ADGRB3: variants seen among roughly 807,000 people sequenced by gnomAD.
ADGRB3 encodes adhesion G protein-coupled receptor B3.
In ADGRB3, 37 loss-of-function variants were observed where a neutral mutation model predicts 193.4. The ratio of observed to expected loss-of-function variants is 0.19; its 90% confidence interval spans 0.15 to 0.25. The LOEUF (loss-of-function observed/expected upper bound fraction) is 0.25. ADGRB3 is among the 10% of genes least tolerant of loss of function. ADGRB3 has a pLI of 1.00. For synonymous variants in ADGRB3, 690 were observed against 644.2 expected, an observed-to-expected ratio of 1.07 and a Z score of -1.08; for missense variants, 1,637 against 1,852.9, an observed-to-expected ratio of 0.88 and a Z score of 2.14.
In ADGRB3 at chr6:69,093,845, G is replaced by GT. The variant is rs377758271; in HGVS notation, c.2480+17808dup. On this transcript the variant is annotated intron_variant, in intron 17 of 31. Coordinates refer to ENST00000370598, the MANE Select transcript of ADGRB3 (RefSeq NM_001704.3). ...TGCAAAACTCATGAGAACTAGAGAT[G>GT]TAAGAATCGTAAGACCTGTGTTTGC... Among the ~76,000 whole-genome samples, 442 of 152,276 alleles carry GT rather than the reference G, an allele frequency of 2.9e-3. 1 individual carries two copies. The highest frequency in any genetic ancestry group is 0.017 in the Middle Eastern group (5 of 294).
chr6:68,678,293 C>T (rs1764803592), intron 3 of ADGRB3, among the ~76,000 whole-genome samples: 1 of 152,114 alleles, frequency 6.6e-6, no homozygotes, highest in Non-Finnish European at 1.5e-5. Flanking sequence ...ATTAATGAAT[C>T]CATCCATTTA....
chr6:69,194,125 A>G lies in ADGRB3; in HGVS notation c.2481-39165A>G, dbSNP rs1765251696. 5.3e-5 allele frequency among the ~76,000 whole-genome samples: 8 copies of G among 152,148 alleles called. No individual in the cohort carries two copies. The South Asian group carries it at 1.7e-3, about 32-fold the overall frequency. On this transcript the variant is annotated intron_variant, in intron 17 of 31. Coordinates refer to ENST00000370598, the MANE Select transcript of ADGRB3 (RefSeq NM_001704.3). Reference sequence around the variant, plus strand: ...TTCTCTATTTACCTCCGGTGTGGCCATAAATTTCTAAAACAAAATAAATTT... The same window carrying G: ...TTCTCTATTTACCTCCGGTGTGGCCGTAAATTTCTAAAACAAAATAAATTT...
At chr6:69,207,719 C>T (rs1415091067) in intron 17 of ADGRB3, among the ~76,000 whole-genome samples, 5 of 152,180 alleles carry the variant, frequency 3.3e-5, no homozygotes, top group Non-Finnish European at 5.9e-5. Context: ...TATCCAGCTG[C>T]TTCAAGATGA....
intron 30 of ADGRB3, among the ~76,000 whole-genome samples, chr6:69,382,503 TATG>T (rs1769970457): frequency 6.6e-6 from 1 of 151,950 alleles, no homozygotes; most frequent in African/African-American, 2.4e-5. Flanking sequence ...ATTTTAAAAA[TATG>T]ATAACAGTTT....
intron 17 of ADGRB3, among the ~76,000 whole-genome samples, chr6:69,218,313 A>G (rs1765816598): frequency 6.6e-6 from 1 of 152,066 alleles, no homozygotes; most frequent in Admixed American, 6.6e-5. Flanking sequence ...TTCCATCTAT[A>G]ATGTCCCCCT....
intron 3 of ADGRB3, among the ~76,000 whole-genome samples, chr6:68,854,483 G>A (rs773961331): frequency 5.3e-5 from 8 of 152,072 alleles, no homozygotes; most frequent in Non-Finnish European, 1.0e-4. Flanking sequence ...CAAATATCAT[G>A]TAATACACAA....
intron 17 of ADGRB3, among the ~76,000 whole-genome samples, chr6:69,083,023 A>C (rs1281228267): frequency 6.6e-6 from 1 of 152,198 alleles, no homozygotes; most frequent in Admixed American, 6.5e-5. Context: ...CAAGCTGCAA[A>C]TCCTAGCTGG....
Position 68,874,209 on chromosome 6 carries a change from C to T in ADGRB3, c.758-56350C>T, listed in dbSNP as rs184806638. On this transcript the variant is annotated intron_variant, in intron 3 of 31. Coordinates refer to ENST00000370598, the MANE Select transcript of ADGRB3 (RefSeq NM_001704.3). ...ATGCTACCATTTATAAATGTGATTT[C>T]GGTATGCATGAAATGCACGATTTTG... is the stretch of plus-strand genomic sequence containing the variant. Among the ~76,000 whole-genome samples, 53 of 152,134 alleles carry T rather than the reference C, an allele frequency of 3.5e-4. 1 individual carries two copies. In the East Asian group the frequency reaches 8.5e-3, roughly 24 times the overall value.
chr6:69,005,889 C>T (rs994731916), intron 11 of ADGRB3, among the ~76,000 whole-genome samples: 3 of 152,132 alleles, frequency 2.0e-5, no homozygotes, highest in African/African-American at 7.2e-5. Flanking sequence ...TTTCTGAAAC[C>T]TGCTAGATGG....
intron 5 of ADGRB3, among the ~76,000 whole-genome samples, chr6:68,940,109 G>A (rs1767593717): frequency 6.6e-6 from 1 of 152,088 alleles, no homozygotes; most frequent in South Asian, 2.1e-4. Context: ...TTGACATTTA[G>A]CAGAATTTTT....
At chr6:68,723,128 T>C (rs888138562) in intron 3 of ADGRB3, among the ~76,000 whole-genome samples, 2 of 151,886 alleles carry the variant, frequency 1.3e-5, no homozygotes, top group Admixed American at 6.6e-5. Context: ...TAAGCAAACC[T>C]CTGATAATTT....
intron 3 of ADGRB3, among the ~76,000 whole-genome samples, chr6:68,742,106 TCACTGACTATTATTGCTTTGC>T (rs1181103657): frequency 6.6e-6 from 1 of 152,216 alleles, no homozygotes; most frequent in Non-Finnish European, 1.5e-5. Context: ...GTGATGTCAT[TCACTGACTATTATTGCTTTGC>T]CACTGACTTC....
chr6:68,794,783 A>G (rs1228615035), intron 3 of ADGRB3, among the ~76,000 whole-genome samples: 1 of 152,104 alleles, frequency 6.6e-6, no homozygotes, highest in Non-Finnish European at 1.5e-5. Flanking sequence ...TTTTGGAAGT[A>G]TTTGACTTAT....
At chr6:68,667,430 C>T (rs1324975577) in intron 3 of ADGRB3, among the ~76,000 whole-genome samples, 1 of 151,856 alleles carries the variant, frequency 6.6e-6, no homozygotes, top group Non-Finnish European at 1.5e-5. Flanking sequence ...TCTGTGTCTT[C>T]TCTTTAACCT....
Position 68,936,566 on chromosome 6 carries a change from A to G in ADGRB3, c.916A>G (p.Thr306Ala). The G allele has an allele frequency of 6.2e-7, 1 of 1,614,048 alleles. No individual in the cohort carries two copies. Among genetic ancestry groups the G allele is most frequent in the Non-Finnish European group, 8.5e-7 (1 of 1,179,990 alleles). ...GTCCCAGTGGAGCACATGTTCGGTT[A>G]CTTGTGGTCAAGGGTCGCAGGTGCG... The part of the protein sequence containing the change: ...EWSQWSTCSV[T>A]CGQGSQVRTR... The change falls in exon 5 of 32, where the codon ACT (threonine) becomes GCT (alanine). Residue 306 changes from threonine to alanine, a missense_variant. This residue lies in a region of ADGRB3 where 365 missense variants were observed against 409.8 expected (regional missense o/e 0.89). Transcript: ENST00000370598.
At chr6:68,699,279 G>A (rs1582131885) in intron 3 of ADGRB3, among the ~76,000 whole-genome samples, 1 of 152,096 alleles carries the variant, frequency 6.6e-6, no homozygotes, top group Non-Finnish European at 1.5e-5. Flanking sequence ...TACTCCTATT[G>A]AGAGAAAAAC....
chr6:69,237,710 A>C (rs1056408458), intron 19 of ADGRB3, among the ~76,000 whole-genome samples: 1 of 152,068 alleles, frequency 6.6e-6, no homozygotes, highest in Non-Finnish European at 1.5e-5. Flanking sequence ...TCATAATGTC[A>C]TCTGTGTGTT....
At chr6:69,001,499 A>G (rs1361746074) in intron 11 of ADGRB3, among the ~76,000 whole-genome samples, 1 of 152,182 alleles carries the variant, frequency 6.6e-6, no homozygotes, top group Non-Finnish European at 1.5e-5. Flanking sequence ...GTGAGTAGAG[A>G]AAGAGTGGGG....
chr6:68,712,964 G>A (rs999730540), intron 3 of ADGRB3, among the ~76,000 whole-genome samples: 7 of 151,822 alleles, frequency 4.6e-5, no homozygotes, highest in Non-Finnish European at 8.8e-5. Flanking sequence ...CAATTTAGTA[G>A]ATGTGTTTAA....
Sources: gnomAD v4.1 joint callset for allele counts (sites outside exome capture counted in the v4.1 genomes callset) on GRCh38, gnomAD v4.1.1 for gene constraint, gnomAD v4.1.1 regional missense constraint, MANE v1.5 for transcripts, NCBI Gene and HGNC (gene_info 2026-07-23, HGNC 2026-07-21) for gene names.